PCDHGA7: variants seen among roughly 807,000 people sequenced by gnomAD.
PCDHGA7 encodes the protein protocadherin gamma subfamily A, 7, also known as protocadherin gamma-A7.
PCDHGA7 carries 44 observed loss-of-function variants against 58.3 expected under a neutral mutation model. That is an observed-to-expected ratio of 0.75 (90% CI 0.59 to 0.97). PCDHGA7 has a LOEUF of 0.97. Ranked by LOEUF, PCDHGA7 falls within the 50% of genes least tolerant of loss-of-function variation. The pLI is 0.00. For synonymous variants in PCDHGA7, 516 were observed against 504.2 expected (o/e 1.02, Z -0.31); for missense variants, 1,266 against 1,188.7 (o/e 1.06, Z -0.96).
intron 1 of PCDHGA7, chr5:141,393,501 G>C (rs754946327): frequency 1.9e-6 from 3 of 1,614,044 alleles, no homozygotes; most frequent in Non-Finnish European, 2.5e-6. Flanking sequence ...GCGCATCCAC[G>C]TGACAGTGTT....
intron 1 of PCDHGA7, among the ~76,000 whole-genome samples, chr5:141,452,145 C>T (rs1414317332): frequency 6.6e-6 from 1 of 152,020 alleles, no homozygotes; most frequent in Non-Finnish European, 1.5e-5. Flanking sequence ...GTGTTTTTTC[C>T]AATGAGTTAT....
chr5:141,478,521 G>A, intron 1 of PCDHGA7: 1 of 1,610,618 alleles, frequency 6.2e-7, no homozygotes, highest in Non-Finnish European at 8.5e-7. Context: ...CAGGTGTTGG[G>A]TGCAGAGAGC....
chr5:141,413,836 G>A, intron 1 of PCDHGA7: 2 of 1,613,256 alleles, frequency 1.2e-6, no homozygotes, highest in Non-Finnish European at 1.7e-6. Context: ...CGCCTCCGAC[G>A]GGGGTGACCC....
At chr5:141,447,829 T>A (rs2098552664) in intron 1 of PCDHGA7, among the ~76,000 whole-genome samples, 1 of 152,214 alleles carries the variant, frequency 6.6e-6, no homozygotes. Context: ...CTCACGCCTG[T>A]AATCCCAGTG....
At chr5:141,467,906 A>T (rs917983299) in intron 1 of PCDHGA7, among the ~76,000 whole-genome samples, 5 of 152,002 alleles carry the variant, frequency 3.3e-5, no homozygotes, top group African/African-American at 9.7e-5. Flanking sequence ...AAATCCGCCC[A>T]CCTCAGCCTC....
chr5:141,405,225 C>T (rs2154536264), intron 1 of PCDHGA7: 4 of 1,614,082 alleles, frequency 2.5e-6, no homozygotes, highest in Non-Finnish European at 1.7e-6. Context: ...CAGGAGTTCT[C>T]CCTCACCGCT....
At chr5:141,473,205 A>G (rs370808895) in intron 1 of PCDHGA7, among the ~76,000 whole-genome samples, 1 of 152,036 alleles carries the variant, frequency 6.6e-6, no homozygotes, top group African/African-American at 2.4e-5. Flanking sequence ...CTTCTAAAAA[A>G]TGCTTACTTC....
intron 1 of PCDHGA7, among the ~76,000 whole-genome samples, chr5:141,492,539 G>A (rs1474928199): frequency 1.3e-5 from 2 of 152,200 alleles, no homozygotes; most frequent in African/African-American, 2.4e-5. Context: ...GCCCCGGGCT[G>A]GGCCGGGTCG....
At chr5:141,426,810 C>T (rs769435523) in intron 1 of PCDHGA7, 4 of 456,568 alleles carry the variant, frequency 8.8e-6, no homozygotes, top group Non-Finnish European at 1.8e-5. Flanking sequence ...TTCTAATGAA[C>T]ATTTCTCTCT....
chr5:141,394,120 C>G, intron 1 of PCDHGA7: 3 of 1,613,954 alleles, frequency 1.9e-6, no homozygotes, highest in Non-Finnish European at 1.7e-6. Context: ...TCCACTGAAA[C>G]TCAAATCGCT....
chr5:141,427,205 C>T lies in PCDHGA7; in HGVS notation c.2424+41882C>T, dbSNP rs73280903. 3.4e-3 allele frequency: 1,562 copies of T among 456,606 alleles called. 21 individuals carry two copies. Among genetic ancestry groups the T allele is most frequent in the African/African-American group, 0.028 (1,422 of 50,136 alleles). 28.3% of individuals were successfully genotyped at this position (456,606 alleles called of 1,614,324 possible). Reference sequence around the variant, plus strand: ...TTAAATCCAAAGACTTAATAGACTTCGAATTTCGTAGCAGTTATACCATGA... The same window carrying T: ...TTAAATCCAAAGACTTAATAGACTTTGAATTTCGTAGCAGTTATACCATGA... On this transcript the variant is annotated intron_variant, in intron 1 of 3. Transcript: ENST00000518325.
Position 141,432,016 on chromosome 5 carries a change from C to T in PCDHGA7, c.2424+46693C>T, listed in dbSNP as rs771650925. The T allele has an allele frequency of 1.2e-6, 2 of 1,614,202 alleles. No homozygotes were observed. The highest frequency in any genetic ancestry group is 3.3e-5 in the Admixed American group (2 of 60,030). On this transcript the variant is annotated intron_variant, in intron 1 of 3. Coordinates refer to ENST00000518325, the MANE Select transcript of PCDHGA7 (RefSeq NM_018920.4). This position sits in a 1 kb window ranked among gnomAD's most constrained non-coding sequence, Gnocchi z 6.0. ...ATAGGGAACAGGTTCCTAGCTACAA[C>T]ATCACAGTGACCGCCACTGACCGGG...
intron 1 of PCDHGA7, among the ~76,000 whole-genome samples, chr5:141,467,814 A>G (rs2099152300): frequency 6.6e-6 from 1 of 151,978 alleles, no homozygotes; most frequent in Non-Finnish European, 1.5e-5. Flanking sequence ...ACATGCCACC[A>G]CACCAGGCTG....
intron 1 of PCDHGA7, among the ~76,000 whole-genome samples, chr5:141,445,429 C>G (rs974775529): frequency 2.6e-5 from 4 of 152,200 alleles, no homozygotes; most frequent in Non-Finnish European, 5.9e-5. Flanking sequence ...ATGCAAGGCA[C>G]TGACCTATGG....
At chr5:141,505,347 T>C in intron 2 of PCDHGA7, 46 bp from the exon 3 acceptor site, 4 of 1,613,346 alleles carry the variant, frequency 2.5e-6, no homozygotes, top group Non-Finnish European at 2.5e-6. Context: ...GGGCATGAGC[T>C]GTGCCGGCCT....
intron 1 of PCDHGA7, chr5:141,428,653 T>A (rs952656382): frequency 1.8e-5 from 3 of 167,524 alleles, no homozygotes; most frequent in Admixed American, 1.1e-4. Flanking sequence ...TCACGTGAGT[T>A]CCAATGAATG....
intron 2 of PCDHGA7, among the ~76,000 whole-genome samples, chr5:141,503,295 T>C (rs567706089): frequency 6.6e-6 from 1 of 152,070 alleles, no homozygotes; most frequent in Non-Finnish European, 1.5e-5. Context: ...TACATAGAAA[T>C]TGCTCAAGAA....
chr5:141,382,861 TC>T lies in PCDHGA7; in HGVS notation c.-36del. ...GGATACACCCGCATTCTGAAGCACTTCCCGAGATCGGCGCCTAAGCAAGAGA... is the reference window on the plus strand; with the variant it reads ...GGATACACCCGCATTCTGAAGCACTTCCGAGATCGGCGCCTAAGCAAGAGA... On this transcript the variant is annotated 5_prime_UTR_variant, in exon 1 of 4. Coordinates refer to ENST00000518325, the MANE Select transcript of PCDHGA7 (RefSeq NM_018920.4). The T allele has an allele frequency of 6.6e-7, 1 of 1,514,402 alleles. No homozygotes were observed. The highest frequency in any genetic ancestry group is 1.3e-5 in the South Asian group (1 of 74,514). The allele number at this position is 1,514,402 out of a possible 1,614,324, so 93.8% of individuals were successfully genotyped here.
intron 1 of PCDHGA7, among the ~76,000 whole-genome samples, chr5:141,488,225 T>G (rs2099673126): frequency 6.6e-6 from 1 of 152,136 alleles, no homozygotes. Flanking sequence ...CTACTGGGGA[T>G]TTGAACTAGA....
Sources: gnomAD v4.1 joint callset for allele counts (sites outside exome capture counted in the v4.1 genomes callset) on GRCh38, gnomAD v4.1.1 for gene constraint, Gnocchi (gnomAD v3.1) non-coding constraint, MANE v1.5 for transcripts, NCBI Gene and HGNC (gene_info 2026-07-23, HGNC 2026-07-21) for gene names.